The following RSF1 variants were observed in gnomAD, a reference collection of about 807,000 sequenced individuals.
RSF1 encodes HBV pX-associated protein 8.
In RSF1, 13 loss-of-function variants were observed where a neutral mutation model predicts 145.2. That is an observed-to-expected ratio of 0.09 (90% CI 0.06 to 0.14). RSF1 has a LOEUF of 0.14. RSF1 is among the 10% of genes least tolerant of loss of function. The pLI, the probability that RSF1 is intolerant of heterozygous loss-of-function variation, is 1.00. For synonymous variants in RSF1, 577 were observed against 592.6 expected (o/e 0.97, Z 0.38); for missense variants, 1,517 against 1,718.2 (o/e 0.88, Z 2.07).
intron 1 of RSF1, among the ~76,000 whole-genome samples, chr11:77,796,180 T>C (rs1948570771): frequency 1.3e-5 from 2 of 152,104 alleles, no homozygotes; most frequent in African/African-American, 4.8e-5. Context: ...ACCACCCTGA[T>C]AGCAAAACCT....
At chr11:77,820,507 G>A (rs1186899480) in intron 1 of RSF1, 21 bp downstream of exon 1, 57 of 1,545,392 alleles carry the variant, frequency 3.7e-5, no homozygotes, top group Non-Finnish European at 4.8e-5. Context: ...TTCCCGCCGG[G>A]CGTTCGGGCC....
intron 5 of RSF1, among the ~76,000 whole-genome samples, chr11:77,720,271 A>G (rs1001565280): frequency 6.6e-6 from 1 of 152,222 alleles, no homozygotes; most frequent in Non-Finnish European, 1.5e-5. Context: ...CATGACTGTA[A>G]AAATTTAAAA....
At chr11:77,707,806 C>T (rs1314195569) in intron 5 of RSF1, among the ~76,000 whole-genome samples, 5 of 152,104 alleles carry the variant, frequency 3.3e-5, no homozygotes, top group Non-Finnish European at 7.4e-5. Context: ...AAGAATTTTT[C>T]AAAGACAGTG....
At chr11:77,681,950 A>AT (rs1959873353) in intron 11 of RSF1, among the ~76,000 whole-genome samples, 1 of 152,152 alleles carries the variant, frequency 6.6e-6, no homozygotes, top group East Asian at 1.9e-4. Flanking sequence ...TTTTTAATGC[A>AT]TCGCTAATGA....
chr11:77,762,414 C>T (rs1481651991), intron 2 of RSF1: 2 of 152,262 alleles, frequency 1.3e-5, no homozygotes, highest in Non-Finnish European at 2.9e-5. Context: ...CCCCTCCTTT[C>T]CATCCCTAGT....
At chr11:77,753,543 C>T (rs537136854) in intron 2 of RSF1, among the ~76,000 whole-genome samples, 2 of 152,272 alleles carry the variant, frequency 1.3e-5, no homozygotes, top group South Asian at 4.1e-4. Context: ...TTAAATGAGG[C>T]CCAATACAAA....
At chr11:77,817,549 G>A (rs939779857) in intron 1 of RSF1, among the ~76,000 whole-genome samples, 3 of 152,162 alleles carry the variant, frequency 2.0e-5, no homozygotes, top group Non-Finnish European at 4.4e-5. Flanking sequence ...GATGGAGTTG[G>A]CAACAATGCT....
chr11:77,809,127 C>T (rs1488670608), intron 1 of RSF1, among the ~76,000 whole-genome samples: 1 of 152,204 alleles, frequency 6.6e-6, no homozygotes. Context: ...TTCTCCAACC[C>T]TTTAACACTG....
chr11:77,706,606 C>T (rs1469014594), intron 5 of RSF1, among the ~76,000 whole-genome samples: 1 of 152,064 alleles, frequency 6.6e-6, no homozygotes, highest in Admixed American at 6.6e-5. Flanking sequence ...ACTCTGTTAA[C>T]TCTGCCTAGT....
intron 5 of RSF1, among the ~76,000 whole-genome samples, chr11:77,716,388 T>C (rs975571631): frequency 4.1e-4 from 63 of 152,206 alleles, no homozygotes; most frequent in African/African-American, 1.1e-3. Context: ...CATTAACAGA[T>C]AGAAGGATAA....
intron 1 of RSF1, among the ~76,000 whole-genome samples, chr11:77,818,644 T>C (rs2135995246): frequency 6.6e-6 from 1 of 152,140 alleles, no homozygotes; most frequent in Admixed American, 6.5e-5. Context: ...CCGGGCTCGG[T>C]GGTGCACACC....
intron 3 of RSF1, among the ~76,000 whole-genome samples, chr11:77,744,573 G>A (rs2135915320): frequency 6.6e-6 from 1 of 152,330 alleles, no homozygotes; most frequent in East Asian, 1.9e-4. Flanking sequence ...CCAAAGTGCT[G>A]GGATTACAGG....
chr11:77,785,578 G>A (rs1274795124), intron 1 of RSF1, among the ~76,000 whole-genome samples: 2 of 149,132 alleles, frequency 1.3e-5, no homozygotes, highest in African/African-American at 2.5e-5. Context: ...CAACAAGAGC[G>A]AAACTCCATC....
intron 1 of RSF1, among the ~76,000 whole-genome samples, chr11:77,781,360 A>G (rs1948402280): frequency 1.3e-5 from 2 of 152,168 alleles, no homozygotes; most frequent in Non-Finnish European, 2.9e-5. Context: ...CAGCCTTGCA[A>G]AATGTTAGAA....
intron 1 of RSF1, among the ~76,000 whole-genome samples, chr11:77,788,084 G>A (rs184916553): frequency 3.1e-5 from 4 of 127,730 alleles, no homozygotes; most frequent in Admixed American, 2.9e-4. Context: ...CAAGGCTGCA[G>A]TGAGCCAAGA....
At position 77,701,313 on chromosome 11, in the gene RSF1, T is replaced by G; in HGVS notation, c.1916A>C (p.Glu639Ala). Residue 639 changes from glutamate (E) to alanine (A), a missense_variant, in exon 6 of 16, where the codon GAG becomes GCG. Glu to Ala is a moderately radical substitution (Grantham distance 107, BLOSUM62 -1). Coordinates refer to ENST00000308488, the MANE Select transcript of RSF1 (RefSeq NM_016578.4). ...SPPSNIIDHC[E>A]KLASEKEVVE... is the part of the protein sequence containing the mutation. ...CACTTCTTTTTCTGAGGCTAGTTTC[T>G]CACAGTGGTCAATGATATTAGATGG... The G allele has an allele frequency of 6.2e-7, 1 of 1,614,124 alleles. No individual in the cohort carries two copies. Among genetic ancestry groups the G allele is most frequent in the Non-Finnish European group, 8.5e-7 (1 of 1,180,026 alleles).
At chr11:77,795,712 C>A (rs1233460287) in intron 1 of RSF1, among the ~76,000 whole-genome samples, 2 of 152,120 alleles carry the variant, frequency 1.3e-5, no homozygotes, top group Non-Finnish European at 2.9e-5. Context: ...ACACAAAAAT[C>A]AAATTAAGAT....
chr11:77,774,232 A>G (rs994878773), intron 1 of RSF1, among the ~76,000 whole-genome samples: 7 of 152,224 alleles, frequency 4.6e-5, no homozygotes, highest in Non-Finnish European at 7.3e-5. Flanking sequence ...GAACAGGGAC[A>G]AGAAAATAAA....
intron 2 of RSF1, among the ~76,000 whole-genome samples, chr11:77,761,828 A>ATTTTTTTTTTTTT (rs11381383): frequency 8.4e-6 from 1 of 119,576 alleles, no homozygotes; most frequent in Non-Finnish European, 1.6e-5. Flanking sequence ...CCATTCGGTG[A>ATTTTTTTTTTTTT]TTTTTTTTTT....
Sources: gnomAD v4.1 joint callset for allele counts (sites outside exome capture counted in the v4.1 genomes callset) on GRCh38, gnomAD v4.1.1 for gene constraint, MANE v1.5 for transcripts, NCBI Gene and HGNC (gene_info 2026-07-23, HGNC 2026-07-21) for gene names.